Variants in CMIP observed in about 807,000 individuals in gnomAD.
CMIP encodes C-Maf-inducing protein.
Under a neutral mutation model 97.3 loss-of-function variants are expected in CMIP, and 13 were observed. The observed-to-expected ratio is 0.13, with a 90% CI of 0.09 to 0.21. The LOEUF is 0.21. CMIP is among the 10% of genes least tolerant of loss of function. The pLI is 1.00. For missense variants in CMIP, 847 were observed against 1,024.9 expected (o/e 0.83, Z 2.37); for synonymous variants, 538 against 436.3 (o/e 1.23, Z -2.91).
At chr16:81,705,022 C>T (rs192124997) in intron 18 of CMIP, among the ~76,000 whole-genome samples, 20 of 152,214 alleles carry the variant, frequency 1.3e-4, no homozygotes, top group African/African-American at 4.8e-4. Context: ...TCAGTGTGAA[C>T]TGCACTGCTC....
intron 9 of CMIP, among the ~76,000 whole-genome samples, 177 bp from the exon 10 acceptor site, chr16:81,678,098 C>T (rs1394992218): frequency 6.6e-6 from 1 of 152,202 alleles, no homozygotes; most frequent in Non-Finnish European, 1.5e-5. Flanking sequence ...CTGTCTAGAC[C>T]TTGGGCAAGC....
At chr16:81,578,126 C>T (rs557886345) in intron 1 of CMIP, among the ~76,000 whole-genome samples, 3 of 152,004 alleles carry the variant, frequency 2.0e-5, no homozygotes, top group African/African-American at 7.3e-5. Flanking sequence ...ATCACTATCA[C>T]CATCACCATC....
chr16:81,626,097 C>A (rs1209981149), intron 3 of CMIP, among the ~76,000 whole-genome samples: 1 of 152,194 alleles, frequency 6.6e-6, no homozygotes, highest in East Asian at 1.9e-4. Flanking sequence ...GGTTTCCCAG[C>A]CCCCTAGGGT....
chr16:81,672,392 G>A (rs1164190247), intron 9 of CMIP, among the ~76,000 whole-genome samples: 1 of 152,218 alleles, frequency 6.6e-6, no homozygotes, highest in East Asian at 1.9e-4. Flanking sequence ...GTGTGTGAAT[G>A]TGTGCACATG....
At chr16:81,487,200 C>T (rs1163194911) in intron 1 of CMIP, among the ~76,000 whole-genome samples, 1 of 152,206 alleles carries the variant, frequency 6.6e-6, no homozygotes, top group Middle Eastern at 3.2e-3. Context: ...TGGGGTGCCC[C>T]CTCCCCACCC....
rs906609819 is a variant in CMIP, at chr16:81,445,124, C to G, written c.-118C>G. On this transcript the variant is annotated 5_prime_UTR_variant, in exon 1 of 21. Coordinates refer to ENST00000537098, the MANE Select transcript of CMIP (RefSeq NM_198390.3). ...CCCTGCGGGCGCCCCCAGCCCCACA[C>G]CCCCCCACCTTCCCGGGGGGTGGGG... The G allele has an allele frequency of 4.3e-6, 2 of 469,140 alleles. No individual in the cohort carries two copies. The highest frequency in any genetic ancestry group is 4.8e-5 in the South Asian group (1 of 20,806). The allele number at this position is 469,140 out of a possible 1,614,324, so 29.1% of individuals were successfully genotyped here.
intron 1 of CMIP, among the ~76,000 whole-genome samples, chr16:81,602,601 T>C (rs905094257): frequency 3.3e-5 from 5 of 152,360 alleles, no homozygotes; most frequent in African/African-American, 1.2e-4. Context: ...CCCCAGCGGC[T>C]GGCAACCATG....
chr16:81,645,361 T>G (rs2092352452), intron 3 of CMIP: 1 of 1,438,262 alleles, frequency 7.0e-7, no homozygotes, highest in Non-Finnish European at 9.2e-7. Context: ...CTTGGGTGTG[T>G]ACGCGCGCGA....
chr16:81,677,482 C>T (rs1249687194), intron 9 of CMIP, among the ~76,000 whole-genome samples: 1 of 152,128 alleles, frequency 6.6e-6, no homozygotes. Flanking sequence ...TACTACTGTC[C>T]CTTATAATGC....
intron 17 of CMIP, among the ~76,000 whole-genome samples, chr16:81,703,322 G>A (rs1184577878): frequency 6.6e-6 from 1 of 152,094 alleles, no homozygotes; most frequent in East Asian, 1.9e-4. Flanking sequence ...CAAGGATGGA[G>A]GGGAGTGTGG....
At chr16:81,531,456 C>T (rs1381239826) in intron 1 of CMIP, among the ~76,000 whole-genome samples, 2 of 152,178 alleles carry the variant, frequency 1.3e-5, no homozygotes, top group Admixed American at 1.3e-4. Flanking sequence ...TTCAGGAGGC[C>T]CTTGGGACAT....
At chr16:81,529,434 G>C (rs765596229) in intron 1 of CMIP, among the ~76,000 whole-genome samples, 2 of 152,184 alleles carry the variant, frequency 1.3e-5, no homozygotes, top group Non-Finnish European at 2.9e-5. Context: ...CAGTTTGGTT[G>C]GGGCTTGTTG....
intron 3 of CMIP, among the ~76,000 whole-genome samples, chr16:81,628,749 C>T (rs1195236032): frequency 1.3e-5 from 2 of 152,158 alleles, no homozygotes; most frequent in African/African-American, 2.4e-5. Flanking sequence ...CACCTGTTCT[C>T]GTGGCACATC....
intron 1 of CMIP, among the ~76,000 whole-genome samples, chr16:81,457,380 G>GA (rs537002770): frequency 1.3e-5 from 2 of 152,052 alleles, no homozygotes; most frequent in African/African-American, 2.4e-5. Context: ...AAATCAAGAA[G>GA]AAAAAAATCC....
chr16:81,615,566 C>T (rs372622440), intron 2 of CMIP, among the ~76,000 whole-genome samples: 6 of 86,670 alleles, frequency 6.9e-5, no homozygotes, highest in East Asian at 3.6e-4. Flanking sequence ...CTGTATGGTG[C>T]GTGTGTGTAT....
At chr16:81,626,331 G>A (rs1465195790) in intron 3 of CMIP, among the ~76,000 whole-genome samples, 1 of 151,842 alleles carries the variant, frequency 6.6e-6, no homozygotes, top group African/African-American at 2.4e-5. Flanking sequence ...GGTGACTGGT[G>A]TGTCTGTGTG....
At chr16:81,498,730 C>T (rs910251496) in intron 1 of CMIP, among the ~76,000 whole-genome samples, 66 of 152,288 alleles carry the variant, frequency 4.3e-4, no homozygotes, top group African/African-American at 1.3e-3. Context: ...CTCCCCCAGG[C>T]GTCATGTATA....
intron 1 of CMIP, among the ~76,000 whole-genome samples, chr16:81,478,661 G>A (rs62043950): frequency 6.6e-6 from 1 of 152,216 alleles, no homozygotes; most frequent in Non-Finnish European, 1.5e-5. Context: ...AGCCACCCCA[G>A]AGCCTCCCGG....
At chr16:81,508,585 A>G (rs1194733571) in intron 1 of CMIP, among the ~76,000 whole-genome samples, 1 of 152,236 alleles carries the variant, frequency 6.6e-6, no homozygotes, top group East Asian at 1.9e-4. Context: ...TATCTTTGAG[A>G]CAAATGCAAA....
Sources: allele counts gnomAD v4.1 joint callset (sites outside exome capture counted in the v4.1 genomes callset), GRCh38; gene constraint gnomAD v4.1.1; transcripts MANE v1.5; gene names NCBI Gene and HGNC (gene_info 2026-07-23, HGNC 2026-07-21).